The following RGP1 variants were observed in gnomAD, a reference collection of about 807,000 sequenced individuals.
RGP1 encodes RAB6A-GEF complex partner protein 2.
RGP1 carries 28 observed loss-of-function variants against 44.5 expected under a neutral mutation model. That is an observed-to-expected ratio of 0.63 (90% confidence interval 0.47 to 0.86). RGP1 has a LOEUF of 0.86. Among genes scored for constraint, RGP1 ranks in the 40% least tolerant of loss-of-function variants. The probability of loss-of-function intolerance (pLI) is 0.00; values close to 1 mark genes in which losing one functional copy is unlikely to be tolerated. For synonymous variants in RGP1, 212 were observed against 196.7 expected (o/e 1.08, Z -0.65); for missense variants, 417 against 490.7 (o/e 0.85, Z 1.42).
the RGP1 span, among the ~76,000 whole-genome samples, chr9:35,787,298 C>T: frequency 2.3e-4 from 35 of 151,928 alleles, no homozygotes; most frequent in Non-Finnish European, 3.5e-4. Context: ...GGTGCAGTCT[C>T]GGCTCACTGC....
the RGP1 span, among the ~76,000 whole-genome samples, chr9:35,764,693 A>G: frequency 6.6e-6 from 1 of 152,178 alleles, no homozygotes; most frequent in African/African-American, 2.4e-5. Flanking sequence ...CACTCATTGC[A>G]ATCCACACTG....
chr9:35,752,763 A>G lies in RGP1; in HGVS notation c.1065A>G (p.Gln355=), dbSNP rs935258418. Residue 355 remains glutamine, a synonymous_variant, in exon 9 of 9, where the codon CAA becomes CAG. Coordinates refer to ENST00000378078, the MANE Select transcript of RGP1 (RefSeq NM_001080496.3). ...PEPTTWTGPE[Q]VPVDTFSWDL... ...CTACCACCTGGACAGGACCTGAGCA[A>G]GTACCTGTAGACACCTTCAGCTGGG... The G allele has an allele frequency of 6.2e-7, 1 of 1,613,774 alleles. No homozygotes were observed. The highest frequency in any genetic ancestry group is 8.5e-7 in the Non-Finnish European group (1 of 1,179,810).
At chr9:35,751,167 C>A (rs1827255194) in intron 5 of RGP1, 99 bp from the exon 6 acceptor site, 2 of 1,503,558 alleles carry the variant, frequency 1.3e-6, no homozygotes, top group East Asian at 4.5e-5. Context: ...CCCTGGCACC[C>A]CTTACCTTTA....
chr9:35,764,694 A>G, the RGP1 span, among the ~76,000 whole-genome samples: 1 of 152,140 alleles, frequency 6.6e-6, no homozygotes, highest in Non-Finnish European at 1.5e-5. Flanking sequence ...ACTCATTGCA[A>G]TCCACACTGA....
chr9:35,751,480 C>T, intron 6 of RGP1, 68 bp downstream of exon 6: 3 of 1,603,466 alleles, frequency 1.9e-6, no homozygotes, highest in South Asian at 1.1e-5. Context: ...CAGAGACAGT[C>T]TCCTAACCAC....
the RGP1 span, among the ~76,000 whole-genome samples, chr9:35,774,707 G>GACAAA: frequency 6.6e-6 from 1 of 152,122 alleles, no homozygotes; most frequent in South Asian, 2.1e-4. Context: ...CTGGGCGACA[G>GACAAA]AGCAAGACTC....
chr9:35,782,896 C>A, the RGP1 span, among the ~76,000 whole-genome samples: 8 of 150,234 alleles, frequency 5.3e-5, no homozygotes, highest in South Asian at 1.7e-3. Flanking sequence ...GCAACCTCCC[C>A]CTCCCCGGTT....
chr9:35,763,126 G>A (rs563611207), downstream of RGP1, among the ~76,000 whole-genome samples: 9 of 152,272 alleles, frequency 5.9e-5, no homozygotes, highest in South Asian at 1.9e-3. Context: ...TTACTATTCT[G>A]TATTAGCCAC....
the RGP1 span, among the ~76,000 whole-genome samples, chr9:35,774,259 A>G: frequency 6.6e-6 from 1 of 152,146 alleles, no homozygotes; most frequent in South Asian, 2.1e-4. Context: ...CCCCCATGGC[A>G]GCAAACGCCT....
chr9:35,750,589 A>G (rs891583651), intron 3 of RGP1, 69 bp from the exon 4 acceptor site: 3 of 1,535,058 alleles, frequency 2.0e-6, no homozygotes, highest in African/African-American at 2.7e-5. Context: ...CACTATCTCC[A>G]CTTGCCGTGC....
At chr9:35,751,517 C>A (rs974035471) in intron 6 of RGP1, 105 bp downstream of exon 6, 1 of 1,593,098 alleles carries the variant, frequency 6.3e-7, no homozygotes, top group African/African-American at 1.3e-5. Flanking sequence ...TCCACTGATA[C>A]CTGACACCTC....
At chr9:35,759,917 C>CTTTTTTTTTTTTTTTTTTTTTTT (rs34848500), downstream of RGP1, among the ~76,000 whole-genome samples, 1 of 132,986 alleles carries the variant, frequency 7.5e-6, no homozygotes. Flanking sequence ...TTCATTTTTC[C>CTTTTTTTTTTTTTTTTTTTTTTT]TTTTTTTTTT....
intron 5 of RGP1, 131 bp downstream of exon 5, chr9:35,751,120 G>C: frequency 1.4e-6 from 2 of 1,450,036 alleles, no homozygotes; most frequent in East Asian, 2.3e-5. Flanking sequence ...AGTTGGGAAG[G>C]GAGGGAGGGT....
At chr9:35,779,232 C>T in the RGP1 span, among the ~76,000 whole-genome samples, 40 of 152,170 alleles carry the variant, frequency 2.6e-4, no homozygotes, top group African/African-American at 9.6e-4. Context: ...ACCTTACCAC[C>T]CCACCTCCAT....
At chr9:35,751,157 C>T in intron 5 of RGP1, 109 bp from the exon 6 acceptor site, 8 of 1,470,662 alleles carry the variant, frequency 5.4e-6, no homozygotes, top group Non-Finnish European at 7.5e-6. Context: ...TAAACCTCAG[C>T]CCTGGCACCC....
Position 35,753,929 on chromosome 9 carries a change from A to G in RGP1, c.*1055A>G. 2 of 1,566,544 alleles carry G rather than the reference A, an allele frequency of 1.3e-6. No individual in the cohort carries two copies. Among genetic ancestry groups the G allele is most frequent in the Non-Finnish European group, 1.7e-6 (2 of 1,152,818 alleles). ...AGCCTGGGTATTTTGACACGGGATC[A>G]TCTGTAAGGCCCCATCCTCCCTGTG... On this transcript the variant is annotated 3_prime_UTR_variant, in exon 9 of 9. Transcript: ENST00000378078. The surrounding 1 kb of genome is among the most constrained non-coding windows in gnomAD (Gnocchi z 4.2).
At chr9:35,777,409 G>T in the RGP1 span, among the ~76,000 whole-genome samples, 1 of 150,334 alleles carries the variant, frequency 6.7e-6, no homozygotes, top group Non-Finnish European at 1.5e-5. Flanking sequence ...GATTACAGGC[G>T]TGAGCCACTG....
rs1230654611 is a variant in RGP1, at chr9:35,752,028, C to T, written c.835C>T (p.Pro279Ser). 2 of 1,610,488 alleles carry T rather than the reference C, an allele frequency of 1.2e-6. No homozygotes were observed. The highest frequency in any genetic ancestry group is 2.2e-5 in the East Asian group (1 of 44,866). Reference protein sequence around the residue: ...YQRRRGAGGVPSVSHVTHARH... With the variant: ...YQRRRGAGGVSSVSHVTHARH... ...GCGGCGACGTGGGGCAGGGGGTGTC[C>T]CCTCTGTGTCACATGTGACTCACGC... is the stretch of plus-strand genomic sequence containing the variant. Residue 279 changes from proline to serine, a missense_variant, in exon 8 of 9, where the codon CCC (proline) becomes TCC (serine). Coordinates refer to ENST00000378078, the MANE Select transcript of RGP1 (RefSeq NM_001080496.3).
chr9:35,779,209 C>G, the RGP1 span, among the ~76,000 whole-genome samples: 1 of 152,122 alleles, frequency 6.6e-6, no homozygotes, highest in South Asian at 2.1e-4. Context: ...CCTGCAACTT[C>G]CAGCCAACCC....
Sources: gnomAD v4.1 joint callset for allele counts (sites outside exome capture counted in the v4.1 genomes callset) on GRCh38, gnomAD v4.1.1 for gene constraint, Gnocchi (gnomAD v3.1) non-coding constraint, MANE v1.5 for transcripts, NCBI Gene and HGNC (gene_info 2026-07-23, HGNC 2026-07-21) for gene names.